RNF169: variants seen among roughly 807,000 people sequenced by gnomAD.
The protein encoded by RNF169 is E3 ubiquitin-protein ligase RNF169.
In RNF169, 24 loss-of-function variants were observed where a neutral mutation model predicts 53.9. That is an observed-to-expected ratio of 0.45 (90% CI 0.32 to 0.63). RNF169 has a LOEUF of 0.63. RNF169 is among the 20% of genes least tolerant of loss of function. The pLI, the probability that RNF169 is intolerant of heterozygous loss-of-function variation, is 0.04. For missense variants in RNF169, 883 were observed against 906.2 expected (o/e 0.97, Z 0.33); for synonymous variants, 396 against 363.5 (o/e 1.09, Z -1.02).
intron 1 of RNF169, among the ~76,000 whole-genome samples, chr11:74,779,120 A>C (rs1022552397): frequency 6.6e-6 from 1 of 152,186 alleles, no homozygotes; most frequent in Non-Finnish European, 1.5e-5. Flanking sequence ...AGTTGTTAAC[A>C]ATGTTGCAAT....
chr11:74,774,357 A>C (rs1315285), intron 1 of RNF169, among the ~76,000 whole-genome samples: 5 of 150,658 alleles, frequency 3.3e-5, no homozygotes, highest in African/African-American at 7.3e-5. Flanking sequence ...AAAAAAAAAA[A>C]CCCAAAAAAA....
At chr11:74,822,006 A>G (rs2036018164) in intron 4 of RNF169, among the ~76,000 whole-genome samples, 1 of 151,720 alleles carries the variant, frequency 6.6e-6, no homozygotes, top group Admixed American at 6.6e-5. Context: ...GTTTCACTCC[A>G]GGGTGTGTGT....
chr11:74,835,419 G>A (rs2036238002), intron 5 of RNF169, 127 bp from the exon 6 acceptor site: 1 of 680,130 alleles, frequency 1.5e-6, no homozygotes. Flanking sequence ...CATTTCTTAG[G>A]CTCACATTAC....
At chr11:74,753,987 A>G (rs1454100077) in intron 1 of RNF169, among the ~76,000 whole-genome samples, 1 of 152,184 alleles carries the variant, frequency 6.6e-6, no homozygotes, top group Non-Finnish European at 1.5e-5. Flanking sequence ...AGGCTACATC[A>G]GTGATCATTT....
intron 2 of RNF169, among the ~76,000 whole-genome samples, chr11:74,789,961 C>T (rs113815225): frequency 6.6e-6 from 1 of 152,256 alleles, no homozygotes; most frequent in African/African-American, 2.4e-5. Context: ...AGTAACTGGC[C>T]ACCAGAGAAG....
At chr11:74,778,756 A>G (rs1006373116) in intron 1 of RNF169, among the ~76,000 whole-genome samples, 9 of 152,192 alleles carry the variant, frequency 5.9e-5, no homozygotes, top group African/African-American at 2.2e-4. Flanking sequence ...TATGTCCCAT[A>G]TGGCCCATGT....
chr11:74,786,395 G>A (rs1026543405), intron 1 of RNF169, among the ~76,000 whole-genome samples: 1 of 151,966 alleles, frequency 6.6e-6, no homozygotes, highest in Non-Finnish European at 1.5e-5. Flanking sequence ...ATCATGCCCT[G>A]CTAATTGTTG....
chr11:74,775,406 A>G (rs925661304), intron 1 of RNF169, among the ~76,000 whole-genome samples: 1 of 151,950 alleles, frequency 6.6e-6, no homozygotes, highest in African/African-American at 2.4e-5. Flanking sequence ...TAATTGTTTG[A>G]AAGTTTTCTT....
intron 4 of RNF169, among the ~76,000 whole-genome samples, chr11:74,822,043 G>GT (rs1565185827): frequency 3.3e-5 from 5 of 150,508 alleles, no homozygotes; most frequent in African/African-American, 9.8e-5. Context: ...GAGAGAGAGA[G>GT]GTGTGTGTGT....
In RNF169 at chr11:74,835,888, C is replaced by T. The variant is rs201785019; in HGVS notation, c.1285C>T (p.Arg429Trp). 20 of 1,614,154 alleles carry T rather than the reference C, an allele frequency of 1.2e-5. No homozygotes were observed. The highest frequency in any genetic ancestry group is 1.6e-4 in the Middle Eastern group (1 of 6,062). The part of the protein sequence containing the change: ...QKQTSYEASP[R>W]ILKKWEQIFQ... ...GCAGACTTCTTATGAGGCCAGTCCA[C>T]GGATCCTCAAAAAGTGGGAACAGAT... Residue 429 changes from arginine (R) to tryptophan (W), a missense_variant, in exon 6 of 6, where the codon CGG (arginine) becomes TGG (tryptophan). This residue lies in a region of RNF169 where 351 missense variants were observed against 337.3 expected (regional missense o/e 1.04). Transcript: ENST00000299563.
intron 5 of RNF169, among the ~76,000 whole-genome samples, 181 bp from the exon 6 acceptor site, chr11:74,835,365 G>T (rs1193750359): frequency 1.3e-5 from 2 of 151,986 alleles, no homozygotes; most frequent in African/African-American, 4.8e-5. Context: ...AAGTATATAG[G>T]ATTTTCTGCT....
At chr11:74,827,731 A>G (rs1195080665) in intron 4 of RNF169, among the ~76,000 whole-genome samples, 1 of 152,240 alleles carries the variant, frequency 6.6e-6, no homozygotes, top group Non-Finnish European at 1.5e-5. Context: ...GACAAAAACC[A>G]TATGATTATC....
intron 1 of RNF169, among the ~76,000 whole-genome samples, chr11:74,765,053 A>G (rs1478928207): frequency 6.6e-6 from 1 of 152,080 alleles, no homozygotes; most frequent in Non-Finnish European, 1.5e-5. Context: ...CTCTACTAAA[A>G]ATCAAGTTAG....
chr11:74,748,990 G>T lies in RNF169; in HGVS notation c.110G>T (p.Gly37Val). The T allele has an allele frequency of 6.7e-7, 1 of 1,497,870 alleles. No individual in the cohort carries two copies. Among genetic ancestry groups the T allele is most frequent in the East Asian group, 2.8e-5 (1 of 35,590 alleles). 92.8% of individuals were successfully genotyped at this position (1,497,870 alleles called of 1,614,324 possible). ...GACGAGACGGCGGCAGCTAAGACTG[G>T]GGCCCCAGGCCCGGCTTCTGGACCT... ...RCDETAAAKT[G>V]APGPASGPSL... The change falls in exon 1 of 6, where the codon GGG becomes GTG. Residue 37 changes from glycine to valine, a missense_variant. Physicochemically the swap from Gly to Val is moderately radical, Grantham distance 109. Transcript: ENST00000299563.
chr11:74,825,967 C>G (rs1302046147), intron 4 of RNF169, among the ~76,000 whole-genome samples: 1 of 152,068 alleles, frequency 6.6e-6, no homozygotes, highest in African/African-American at 2.4e-5. Flanking sequence ...AAAGCAGGCA[C>G]CTTCTTCACA....
At chr11:74,771,091 A>G (rs1019360165) in intron 1 of RNF169, among the ~76,000 whole-genome samples, 1 of 152,094 alleles carries the variant, frequency 6.6e-6, no homozygotes, top group African/African-American at 2.4e-5. Context: ...TACAGGCGTG[A>G]ACCACCGTGC....
intron 2 of RNF169, among the ~76,000 whole-genome samples, chr11:74,796,636 T>G (rs534200973): frequency 2.6e-5 from 4 of 152,308 alleles, no homozygotes; most frequent in Non-Finnish European, 5.9e-5. Context: ...TGGTCTTGTC[T>G]TCTTTGAATC....
Position 74,836,800 on chromosome 11 carries a change from T to G in RNF169, c.*70T>G. On this transcript the variant is annotated 3_prime_UTR_variant, in exon 6 of 6. Coordinates refer to ENST00000299563, the MANE Select transcript of RNF169 (RefSeq NM_001098638.2). ...ATCATTTATCCTGAAGAGCTGAGTG[T>G]TCTCACTTTGGTTTTATTTTAATGG... 8.1e-7 allele frequency: 1 copy of G among 1,238,578 alleles called. No homozygotes were observed. Among genetic ancestry groups the G allele is most frequent in the Non-Finnish European group, 1.1e-6 (1 of 895,702 alleles). The allele number at this position is 1,238,578 out of a possible 1,614,324, so 76.7% of individuals were successfully genotyped here. A position where few individuals can be genotyped will look rare whatever the true frequency, so the allele number is the denominator to read the frequency against.
chr11:74,827,688 A>G (rs2036118866), intron 4 of RNF169, among the ~76,000 whole-genome samples: 1 of 152,210 alleles, frequency 6.6e-6, no homozygotes. Context: ...AGGCAAATCA[A>G]TAAATGTGAT....
Sources: allele counts gnomAD v4.1 joint callset (sites outside exome capture counted in the v4.1 genomes callset), GRCh38; gene constraint gnomAD v4.1.1; regional missense constraint gnomAD v4.1.1; transcripts MANE v1.5; gene names NCBI Gene and HGNC (gene_info 2026-07-23, HGNC 2026-07-21).